Variants in ANKRD33B observed in about 807,000 individuals in gnomAD.
ANKRD33B encodes ankyrin repeat domain 33B.
Under a neutral mutation model 21.5 loss-of-function variants are expected in ANKRD33B, and 6 were observed. The observed-to-expected ratio is 0.28, with a 90% confidence interval of 0.15 to 0.55. The LOEUF is 0.55. Among genes scored for constraint, ANKRD33B ranks in the 20% least tolerant of loss-of-function variants. The pLI, the probability that ANKRD33B is intolerant of heterozygous loss-of-function variation, is 0.94. For synonymous variants in ANKRD33B, 347 were observed against 342.4 expected (o/e 1.01, Z -0.15); for missense variants, 698 against 747.2 (o/e 0.93, Z 0.77).
Position 10,635,550 on chromosome 5 carries a change from C to G in ANKRD33B, c.497-2478C>G, listed in dbSNP as rs375336860. 1.1e-4 allele frequency among the ~76,000 whole-genome samples: 17 copies of G among 152,362 alleles called. No homozygotes were observed. In the East Asian group the frequency reaches 1.7e-3, roughly 16 times the overall value. Reference sequence around the variant, plus strand: ...CTTATAACCTGAACACTGTTAGACTCATCAGGGCTTCCTTTTCAAAAAGAT... The same window carrying G: ...CTTATAACCTGAACACTGTTAGACTGATCAGGGCTTCCTTTTCAAAAAGAT... On this transcript the variant is annotated intron_variant, in intron 2 of 3. Coordinates refer to ENST00000296657, the MANE Select transcript of ANKRD33B (RefSeq NM_001164440.2).
At position 10,564,659 on chromosome 5, in the gene ANKRD33B, G is replaced by C. The variant is rs1450523366; in HGVS notation, c.192G>C (p.Glu64Asp). The C allele has an allele frequency of 6.5e-7, 1 of 1,534,970 alleles. No individual in the cohort carries two copies. Among genetic ancestry groups the C allele is most frequent in the African/African-American group, 1.4e-5 (1 of 73,118 alleles). Reference protein sequence around the residue: ...SDDSFYPFEDEEEHGVESAES... With the variant: ...SDDSFYPFEDDEEHGVESAES... ...ACTCTTTCTACCCTTTCGAGGACGAGGAGGAGCACGGCGTCGAGAGCGCGG... is the reference window on the plus strand; with the variant it reads ...ACTCTTTCTACCCTTTCGAGGACGACGAGGAGCACGGCGTCGAGAGCGCGG... The change falls in exon 1 of 4, where the codon GAG becomes GAC. Residue 64 changes from glutamate (E) to aspartate (D), a missense_variant. Glu to Asp is a conservative substitution (Grantham distance 45, BLOSUM62 2). Around this residue, in one of 3 missense-constraint regions of ANKRD33B, gnomAD observed 148 missense variants for 154.9 expected, o/e 0.96. Coordinates refer to ENST00000296657, the MANE Select transcript of ANKRD33B (RefSeq NM_001164440.2).
rs1736355252 is a variant in ANKRD33B at position 10,619,149 on chromosome 5, T to C, written c.496+687T>C. On this transcript the variant is annotated intron_variant, in intron 2 of 3. Transcript: ENST00000296657. This position sits in a 1 kb window ranked among gnomAD's most constrained non-coding sequence, Gnocchi z 4.5. ...CATAATCACACTTCATTTGGAACAG[T>C]GGTCTTGACCAGGTTTATCACTGAC... Among the ~76,000 whole-genome samples, 1 of 152,216 alleles carries C rather than the reference T, an allele frequency of 6.6e-6. No individual in the cohort carries two copies. Among genetic ancestry groups the C allele is most frequent in the Non-Finnish European group, 1.5e-5 (1 of 68,040 alleles).
intron 1 of ANKRD33B, among the ~76,000 whole-genome samples, chr5:10,613,893 C>T (rs1736226410): frequency 7.2e-6 from 1 of 139,282 alleles, no homozygotes; most frequent in East Asian, 2.0e-4. Context: ...AGAGAGACTC[C>T]ATCTCAAAAA....
chr5:10,647,109 A>AT (rs57888805), intron 3 of ANKRD33B, among the ~76,000 whole-genome samples: 5,062 of 146,334 alleles, frequency 0.035, 306 homozygotes, highest in East Asian at 0.21. Flanking sequence ...ATCCTCAATG[A>AT]TTTTTTTTTT....
At chr5:10,570,283 T>TG (rs1211751157) in intron 1 of ANKRD33B, among the ~76,000 whole-genome samples, 1 of 152,208 alleles carries the variant, frequency 6.6e-6, no homozygotes, top group Non-Finnish European at 1.5e-5. Flanking sequence ...AATGTTTTGT[T>TG]GGGGGTGGCC....
At chr5:10,622,808 ATT>A (rs1165108427) in intron 2 of ANKRD33B, among the ~76,000 whole-genome samples, 3 of 89,030 alleles carry the variant, frequency 3.4e-5, no homozygotes, top group African/African-American at 1.5e-4. Flanking sequence ...ATTTTATTTT[ATT>A]TTTTTTTTTT....
chr5:10,647,112 T>C lies in ANKRD33B; in HGVS notation c.638-2154T>C, dbSNP rs550875531. On this transcript the variant is annotated intron_variant, in intron 3 of 3. Coordinates refer to ENST00000296657, the MANE Select transcript of ANKRD33B (RefSeq NM_001164440.2). ...ATGGGACTTGAAATCCTCAATGATTTTTTTTTTTTTGAAATGGAGTCTTTC... is the reference window on the plus strand; with the variant it reads ...ATGGGACTTGAAATCCTCAATGATTCTTTTTTTTTTGAAATGGAGTCTTTC... Among the ~76,000 whole-genome samples, 30 of 152,168 alleles carry C rather than the reference T, an allele frequency of 2.0e-4. No homozygotes were observed. The South Asian group carries it at 2.9e-3, about 15-fold the overall frequency.
chr5:10,609,278 T>C (rs1324700535), intron 1 of ANKRD33B, among the ~76,000 whole-genome samples: 1 of 152,224 alleles, frequency 6.6e-6, no homozygotes, highest in Non-Finnish European at 1.5e-5. Context: ...ATCAGCCAGG[T>C]GCAGTAGCTC....
chr5:10,601,614 G>T (rs1177227850), intron 1 of ANKRD33B, among the ~76,000 whole-genome samples: 1 of 152,212 alleles, frequency 6.6e-6, no homozygotes, highest in Admixed American at 6.5e-5. Context: ...AGCAATCTTT[G>T]TATTTTGAAC....
At chr5:10,606,648 C>G (rs530638686) in intron 1 of ANKRD33B, among the ~76,000 whole-genome samples, 2 of 151,560 alleles carry the variant, frequency 1.3e-5, no homozygotes, top group South Asian at 4.2e-4. Flanking sequence ...GCAGGAGAAT[C>G]ACTTGAACCC....
chr5:10,635,190 A>C (rs1224471129), intron 2 of ANKRD33B, among the ~76,000 whole-genome samples: 1 of 152,222 alleles, frequency 6.6e-6, no homozygotes. Context: ...AACATCCTGC[A>C]GAAGATTGTG....
At chr5:10,593,865 T>C (rs921629111) in intron 1 of ANKRD33B, among the ~76,000 whole-genome samples, 2 of 152,132 alleles carry the variant, frequency 1.3e-5, no homozygotes, top group African/African-American at 4.8e-5. Flanking sequence ...CATCTCCTTT[T>C]CTGCTGCAAG....
At chr5:10,644,744 A>G (rs1313883611) in intron 3 of ANKRD33B, among the ~76,000 whole-genome samples, 1 of 152,226 alleles carries the variant, frequency 6.6e-6, no homozygotes, top group Non-Finnish European at 1.5e-5. Flanking sequence ...TGAATTTGCC[A>G]TGTAGAATTG....
chr5:10,565,760 T>C (rs1735034613), intron 1 of ANKRD33B, among the ~76,000 whole-genome samples: 1 of 152,226 alleles, frequency 6.6e-6, no homozygotes, highest in Non-Finnish European at 1.5e-5. Flanking sequence ...GGTGGCCAAG[T>C]TCCCCGTAGT....
chr5:10,602,838 T>G (rs1735961810), intron 1 of ANKRD33B, among the ~76,000 whole-genome samples: 1 of 149,932 alleles, frequency 6.7e-6, no homozygotes, highest in Admixed American at 6.7e-5. Context: ...TTTGAGACAG[T>G]GTTTCAGTCT....
At chr5:10,592,884 C>T (rs552072330) in intron 1 of ANKRD33B, among the ~76,000 whole-genome samples, 86 of 152,242 alleles carry the variant, frequency 5.6e-4, no homozygotes, top group African/African-American at 1.8e-3. Context: ...TTGCCCTTTT[C>T]ACCCCTCTGA....
intron 1 of ANKRD33B, among the ~76,000 whole-genome samples, chr5:10,572,251 A>G (rs1358713615): frequency 6.6e-6 from 1 of 152,082 alleles, no homozygotes; most frequent in Non-Finnish European, 1.5e-5. Context: ...ACTGACAATC[A>G]CTGGTGCAGA....
At chr5:10,628,683 G>A (rs1321720829) in intron 2 of ANKRD33B, among the ~76,000 whole-genome samples, 1 of 152,200 alleles carries the variant, frequency 6.6e-6, no homozygotes, top group East Asian at 1.9e-4. Context: ...GGAGTGGTAG[G>A]AATGTTTCAG....
Position 10,576,917 on chromosome 5 carries a change from C to T in ANKRD33B, c.366+12084C>T, listed in dbSNP as rs923772202. ...TGCATCCTGTGGGCACCTCGGATGACGCGAGGGTGGAGCCTGAAACGCTGG... is the reference window on the plus strand; with the variant it reads ...TGCATCCTGTGGGCACCTCGGATGATGCGAGGGTGGAGCCTGAAACGCTGG... On this transcript the variant is annotated intron_variant, in intron 1 of 3. Coordinates refer to ENST00000296657, the MANE Select transcript of ANKRD33B (RefSeq NM_001164440.2). The surrounding 1 kb of genome is among the most constrained non-coding windows in gnomAD (Gnocchi z 4.1). 6.6e-6 allele frequency among the ~76,000 whole-genome samples: 1 copy of T among 152,036 alleles called. No homozygotes were observed. Among genetic ancestry groups the T allele is most frequent in the Non-Finnish European group, 1.5e-5 (1 of 67,992 alleles).
Sources: gnomAD v4.1 joint callset for allele counts (sites outside exome capture counted in the v4.1 genomes callset) on GRCh38, gnomAD v4.1.1 for gene constraint, gnomAD v4.1.1 regional missense constraint, Gnocchi (gnomAD v3.1) non-coding constraint, MANE v1.5 for transcripts, NCBI Gene and HGNC (gene_info 2026-07-23, HGNC 2026-07-21) for gene names.